The following IFT43 variants were observed in gnomAD, a reference collection of about 807,000 sequenced individuals.
IFT43 encodes the protein intraflagellar transport 43.
In IFT43, 33 loss-of-function variants were observed where a neutral mutation model predicts 32.3. That is an observed-to-expected ratio of 1.02 (90% CI 0.77 to 1.37). The LOEUF (loss-of-function observed/expected upper bound fraction) is 1.37, where lower values mean the gene tolerates loss of function less well. Ranked by LOEUF, IFT43 falls within the 40% of genes most tolerant of loss-of-function variation. The probability of loss-of-function intolerance (pLI) is 0.00; values close to 1 mark genes in which losing one functional copy is unlikely to be tolerated. For synonymous variants in IFT43, 93 were observed against 98.2 expected, an observed-to-expected ratio of 0.95 and a Z score of 0.31; for missense variants, 274 against 265.9, an observed-to-expected ratio of 1.03 and a Z score of -0.21.
At chr14:76,004,962 A>G (rs1036101692) in intron 2 of IFT43, among the ~76,000 whole-genome samples, 8 of 152,024 alleles carry the variant, frequency 5.3e-5, no homozygotes, top group African/African-American at 1.9e-4. Context: ...TTCATTCATT[A>G]TGGCCATCTT....
At chr14:75,999,281 A>ATATTTTTTTTTT (rs1566699821) in intron 2 of IFT43, among the ~76,000 whole-genome samples, 3 of 39,062 alleles carry the variant, frequency 7.7e-5, no homozygotes, top group African/African-American at 3.6e-4. Context: ...ATGTATATAT[A>ATATTTTTTTTTT]TTTTTTTTTT....
At chr14:76,047,913 TG>T (rs2036840552) in intron 3 of IFT43, among the ~76,000 whole-genome samples, 1 of 152,032 alleles carries the variant, frequency 6.6e-6, no homozygotes, top group Admixed American at 6.5e-5. Context: ...GAGGCAGGGT[TG>T]GTGATCATTC....
intron 3 of IFT43, among the ~76,000 whole-genome samples, chr14:76,044,055 G>GTT (rs1208822237): frequency 7.0e-6 from 1 of 142,104 alleles, no homozygotes. Flanking sequence ...TTTTTTTTTG[G>GTT]TTTTTTTTTT....
intron 7 of IFT43, 118 bp from the exon 8 acceptor site, chr14:76,083,109 C>T (rs2037543095): frequency 9.9e-7 from 1 of 1,013,302 alleles, no homozygotes. Context: ...GAAGGCATTC[C>T]TGCAGGTCTC....
At chr14:76,074,936 C>G (rs1467383506) in intron 5 of IFT43, among the ~76,000 whole-genome samples, 1 of 152,180 alleles carries the variant, frequency 6.6e-6, no homozygotes, top group Non-Finnish European at 1.5e-5. Context: ...GAGCAGTCAG[C>G]TATTTTGATC....
At chr14:76,066,793 A>G (rs1238227828) in intron 5 of IFT43, among the ~76,000 whole-genome samples, 3 of 152,230 alleles carry the variant, frequency 2.0e-5, no homozygotes, top group East Asian at 3.8e-4. Context: ...TTGTAGGGAT[A>G]TGTGATTGGT....
At chr14:76,017,033 A>C in intron 2 of IFT43, among the ~76,000 whole-genome samples, 1 of 152,122 alleles carries the variant, frequency 6.6e-6, no homozygotes, top group East Asian at 1.9e-4. Context: ...GAAGAGTTTT[A>C]TTTCTTTCTC....
At chr14:76,014,103 A>C (rs1269765979) in intron 2 of IFT43, 2 of 282,206 alleles carry the variant, frequency 7.1e-6, no homozygotes, top group Non-Finnish European at 1.5e-5. Flanking sequence ...AGAATGCTAA[A>C]GAGTTTACAA....
chr14:76,080,257 C>T (rs779519137), intron 5 of IFT43, among the ~76,000 whole-genome samples: 10 of 152,200 alleles, frequency 6.6e-5, no homozygotes. Context: ...GAGAGAAATC[C>T]CACTGTGTGG....
chr14:76,037,837 A>T (rs2140001273), intron 3 of IFT43, among the ~76,000 whole-genome samples: 1 of 152,316 alleles, frequency 6.6e-6, no homozygotes, highest in African/African-American at 2.4e-5. Context: ...GGCTTGGAAC[A>T]CATAGGTGCT....
At chr14:76,041,038 G>C (rs1352115013) in intron 3 of IFT43, among the ~76,000 whole-genome samples, 1 of 152,224 alleles carries the variant, frequency 6.6e-6, no homozygotes, top group African/African-American at 2.4e-5. Context: ...AGATGGCCAA[G>C]TGCAGGCACA....
chr14:76,049,725 A>C (rs539164010), intron 3 of IFT43, among the ~76,000 whole-genome samples: 22 of 38,704 alleles, frequency 5.7e-4, no homozygotes, highest in Non-Finnish European at 1.1e-3. Flanking sequence ...GGGAAGAATA[A>C]GAACTTCCAT....
intron 3 of IFT43, among the ~76,000 whole-genome samples, chr14:76,034,364 C>T (rs1281514325): frequency 6.6e-6 from 1 of 152,022 alleles, no homozygotes. Flanking sequence ...AGGGCTCCAC[C>T]CTCATAATCT....
At chr14:76,006,227 T>C (rs2035979041) in intron 2 of IFT43, among the ~76,000 whole-genome samples, 1 of 152,202 alleles carries the variant, frequency 6.6e-6, no homozygotes, top group Non-Finnish European at 1.5e-5. Context: ...TAGGAAAGGT[T>C]AATCTAAAAA....
At chr14:76,082,452 C>A in intron 6 of IFT43, 85 bp downstream of exon 6, 1 of 1,148,202 alleles carries the variant, frequency 8.7e-7, no homozygotes, top group South Asian at 1.2e-5. Flanking sequence ...ACCTTGATGT[C>A]AATCTGGATC....
chr14:76,075,258 C>T (rs1028048973), intron 5 of IFT43, among the ~76,000 whole-genome samples: 1 of 152,208 alleles, frequency 6.6e-6, no homozygotes, highest in Admixed American at 6.5e-5. Flanking sequence ...CTGCCAGTAA[C>T]GAGCACAGCC....
At chr14:76,082,167 G>T in intron 5 of IFT43, 128 bp from the exon 6 acceptor site, 1 of 831,676 alleles carries the variant, frequency 1.2e-6, no homozygotes, top group South Asian at 1.3e-5. Context: ...GTTTGTATCT[G>T]AGTGTCCTTC....
At chr14:76,055,101 T>A (rs1160584182) in intron 3 of IFT43, among the ~76,000 whole-genome samples, 1 of 152,190 alleles carries the variant, frequency 6.6e-6, no homozygotes, top group Non-Finnish European at 1.5e-5. Flanking sequence ...CCCAGTGCTT[T>A]GGGAGGCAAA....
At chr14:75,989,027 G>A (rs761565146) in intron 2 of IFT43, 50 bp downstream of exon 2, 2 of 1,604,562 alleles carry the variant, frequency 1.2e-6, no homozygotes, top group Admixed American at 1.7e-5. Context: ...TTAAGAGTTA[G>A]TGATTCCTTA....
Sources: allele counts gnomAD v4.1 joint callset (sites outside exome capture counted in the v4.1 genomes callset), GRCh38; gene constraint gnomAD v4.1.1; transcripts MANE v1.5; gene names NCBI Gene and HGNC (gene_info 2026-07-23, HGNC 2026-07-21).